The following CELF2 variants were observed in gnomAD, a reference collection of about 807,000 sequenced individuals.
The protein encoded by CELF2 is CUGBP Elav-like family member 2, also known as CUG triplet repeat RNA-binding protein 2.
In CELF2, 8 loss-of-function variants were observed where a neutral mutation model predicts 62.6. That is an observed-to-expected ratio of 0.13 (90% CI 0.07 to 0.23). The LOEUF (loss-of-function observed/expected upper bound fraction) is 0.23, where lower values mean the gene tolerates loss of function less well. Ranked by LOEUF, CELF2 falls within the 10% of genes least tolerant of loss-of-function variation. The pLI is 1.00. For synonymous variants in CELF2, 258 were observed against 250.0 expected, an observed-to-expected ratio of 1.03 and a Z score of -0.30; for missense variants, 333 against 671.0, an observed-to-expected ratio of 0.50 and a Z score of 5.56.
intron 1 of CELF2, among the ~76,000 whole-genome samples, chr10:10,905,609 T>G (rs1591745220): frequency 6.7e-6 from 1 of 148,566 alleles, no homozygotes; most frequent in South Asian, 2.1e-4. Flanking sequence ...CTGGGCGTGG[T>G]GGCTCACGCC....
chr10:10,835,362 A>C (rs960749696), intron 1 of CELF2, among the ~76,000 whole-genome samples: 4 of 149,974 alleles, frequency 2.7e-5, no homozygotes, highest in African/African-American at 9.9e-5. Context: ...AGTAGCTGGG[A>C]TTACAGGCTC....
At chr10:10,709,750 A>G in the CELF2 span, among the ~76,000 whole-genome samples, 1 of 152,370 alleles carries the variant, frequency 6.6e-6, no homozygotes, top group South Asian at 2.1e-4. Flanking sequence ...TCTCAGTTAC[A>G]TCCATTAAGA....
the CELF2 span, among the ~76,000 whole-genome samples, chr10:10,528,822 A>C: frequency 6.6e-6 from 1 of 152,240 alleles, no homozygotes; most frequent in East Asian, 1.9e-4. Context: ...TCTTCAAAGG[A>C]AGAATTTGTC....
intron 1 of CELF2, among the ~76,000 whole-genome samples, chr10:10,883,560 G>T (rs1035293612): frequency 6.6e-6 from 1 of 152,118 alleles, no homozygotes; most frequent in Non-Finnish European, 1.5e-5. Context: ...GCATTTTTAG[G>T]CTCTGGGGAG....
chr10:10,986,970 T>C (rs2052832564), intron 2 of CELF2, among the ~76,000 whole-genome samples: 2 of 152,230 alleles, frequency 1.3e-5, no homozygotes, highest in South Asian at 4.1e-4. Context: ...CAGTCTGCTG[T>C]ACAAGTGTAT....
chr10:10,740,476 G>A, the CELF2 span, among the ~76,000 whole-genome samples: 1 of 152,108 alleles, frequency 6.6e-6, no homozygotes, highest in Non-Finnish European at 1.5e-5. Context: ...AATTGGTGTA[G>A]CCATTATGGA....
intron 1 of CELF2, among the ~76,000 whole-genome samples, chr10:11,069,160 T>C (rs1265347592): frequency 6.6e-6 from 1 of 152,184 alleles, no homozygotes; most frequent in African/African-American, 2.4e-5. Flanking sequence ...ACCCACAGTT[T>C]TTTGTATCTT....
At chr10:10,495,303 CAAG>C in the CELF2 span, among the ~76,000 whole-genome samples, 1 of 152,042 alleles carries the variant, frequency 6.6e-6, no homozygotes, top group Admixed American at 6.6e-5. Flanking sequence ...TCTTTGTAAA[CAAG>C]AACATCAAAA....
At chr10:10,700,852 A>T in the CELF2 span, among the ~76,000 whole-genome samples, 1 of 152,218 alleles carries the variant, frequency 6.6e-6, no homozygotes, top group African/African-American at 2.4e-5. Context: ...TTTCTTGTTC[A>T]TCAGCCTGGT....
At chr10:10,647,791 G>A in the CELF2 span, among the ~76,000 whole-genome samples, 2 of 152,102 alleles carry the variant, frequency 1.3e-5, no homozygotes, top group Non-Finnish European at 2.9e-5. Context: ...GTTTTAATGG[G>A]CTTACCACTA....
chr10:10,527,071 G>A, the CELF2 span, among the ~76,000 whole-genome samples: 1 of 152,152 alleles, frequency 6.6e-6, no homozygotes, highest in Non-Finnish European at 1.5e-5. Flanking sequence ...GTTAATATTC[G>A]GTTGATCTTC....
At chr10:11,102,318 GAGAA>G (rs2051930517) in intron 1 of CELF2, 1 of 152,212 alleles carries the variant, frequency 6.6e-6, no homozygotes, top group Non-Finnish European at 1.5e-5. Flanking sequence ...TCAATTAAAA[GAGAA>G]AGGCATTAGC....
At chr10:10,870,720 G>A (rs2060683870) in intron 1 of CELF2, among the ~76,000 whole-genome samples, 2 of 151,974 alleles carry the variant, frequency 1.3e-5, no homozygotes, top group Non-Finnish European at 2.9e-5. Context: ...CCTTAAATCC[G>A]TGTGGTCTTT....
In CELF2 at chr10:11,330,734, C is replaced by T. The variant is rs2095994745; in HGVS notation, c.*1681C>T. 1 of 152,502 alleles carries T rather than the reference C, an allele frequency of 6.6e-6. No individual in the cohort carries two copies. Among genetic ancestry groups the T allele is most frequent in the Non-Finnish European group, 1.5e-5 (1 of 68,008 alleles). 9.4% of individuals were successfully genotyped at this position (152,502 alleles called of 1,614,324 possible). A position where few individuals can be genotyped will look rare whatever the true frequency, so the allele number is the denominator to read the frequency against. On this transcript the variant is annotated 3_prime_UTR_variant, in exon 13 of 13. Coordinates refer to ENST00000633077, the MANE Select transcript of CELF2 (RefSeq NM_001326342.2). This position sits in a 1 kb window ranked among gnomAD's most constrained non-coding sequence, Gnocchi z 4.5. The stretch of plus-strand genomic sequence containing the variant: ...TTATAGAAAAAACCTGTGGCAAAAA[C>T]GTTTCTTTCTTATTTTTTTTCTTTT...
intron 1 of CELF2, among the ~76,000 whole-genome samples, chr10:11,091,851 C>T (rs923797366): frequency 2.6e-5 from 4 of 152,202 alleles, no homozygotes; most frequent in Admixed American, 6.5e-5. Flanking sequence ...ATGAACGATT[C>T]TCACAGATAT....
intron 1 of CELF2, among the ~76,000 whole-genome samples, chr10:11,153,196 G>C (rs1299462514): frequency 6.6e-6 from 1 of 152,124 alleles, no homozygotes; most frequent in Non-Finnish European, 1.5e-5. Flanking sequence ...CCATTCTAGA[G>C]GGGCCTTTCA....
chr10:10,814,650 CCCTGGG>C (rs1408288632), intron 1 of CELF2, among the ~76,000 whole-genome samples: 1 of 152,178 alleles, frequency 6.6e-6, no homozygotes, highest in African/African-American at 2.4e-5. Flanking sequence ...TTTGAGCTGG[CCCTGGG>C]CCAAATGAGG....
the CELF2 span, among the ~76,000 whole-genome samples, chr10:10,763,044 T>C: frequency 6.6e-6 from 1 of 152,218 alleles, no homozygotes; most frequent in Admixed American, 6.5e-5. Flanking sequence ...TAGGTTGTAA[T>C]CCAAGATTTC....
the CELF2 span, among the ~76,000 whole-genome samples, chr10:10,774,716 C>T: frequency 1.3e-5 from 2 of 152,078 alleles, no homozygotes; most frequent in Non-Finnish European, 1.5e-5. Context: ...GGCCCAGCCT[C>T]AGGTATTTCT....
Sources: gnomAD v4.1 joint callset for allele counts (sites outside exome capture counted in the v4.1 genomes callset) on GRCh38, gnomAD v4.1.1 for gene constraint, Gnocchi (gnomAD v3.1) non-coding constraint, MANE v1.5 for transcripts, NCBI Gene and HGNC (gene_info 2026-07-23, HGNC 2026-07-21) for gene names.